The following ERMARD variants were observed in gnomAD, a reference collection of about 807,000 sequenced individuals.
ERMARD encodes the protein endoplasmic reticulum membrane-associated RNA degradation protein.
A neutral mutation model predicts 83.9 loss-of-function variants in ERMARD; 71 were observed. That is an observed-to-expected ratio of 0.85 (90% CI 0.70 to 1.03). The LOEUF is 1.03. Among genes scored for constraint, ERMARD ranks in the 50% least tolerant of loss-of-function variants. The pLI is 0.00. For missense variants in ERMARD, 838 were observed against 810.9 expected (o/e 1.03, Z -0.41); for synonymous variants, 284 against 298.6 (o/e 0.95, Z 0.50).
intron 12 of ERMARD, chr6:169,771,086 TTG>T (rs1792855736): frequency 6.6e-6 from 1 of 150,692 alleles, no homozygotes; most frequent in Admixed American, 6.6e-5. Context: ...TCTTTTTTTT[TTG>T]TTTTTTTTTT....
chr6:169,769,618 C>G lies in ERMARD; in HGVS notation c.1138C>G (p.His380Asp). The part of the protein sequence containing the change: ...DHLSHGEINL[H>D]EFSKETTNQL... ...TTTAAGCCACGGGGAGATCAACTTA[C>G]ATGAATTTTCAAAAGAAACAACTAA... Residue 380 changes from histidine to aspartate, a missense_variant, in exon 12 of 18, where the codon CAT (histidine) becomes GAT (aspartate). Coordinates refer to ENST00000366773, the MANE Select transcript of ERMARD (RefSeq NM_018341.3). 6.2e-7 allele frequency: 1 copy of G among 1,613,454 alleles called. No individual in the cohort carries two copies. The highest frequency in any genetic ancestry group is 8.5e-7 in the Non-Finnish European group (1 of 1,179,700).
At chr6:169,752,287 A>G (rs1459015672) in intron 1 of ERMARD, among the ~76,000 whole-genome samples, 1 of 152,166 alleles carries the variant, frequency 6.6e-6, no homozygotes, top group Non-Finnish European at 1.5e-5. Flanking sequence ...GTGTTATCTG[A>G]TTACTGTAGC....
At chr6:169,758,787 T>G (rs577074086) in intron 5 of ERMARD, among the ~76,000 whole-genome samples, 181 bp from the exon 6 acceptor site, 1 of 152,226 alleles carries the variant, frequency 6.6e-6, no homozygotes, top group South Asian at 2.1e-4. Context: ...TTGATGTACA[T>G]GTACAAAATG....
chr6:169,775,756 C>T (rs1793512649), intron 14 of ERMARD, 184 bp from the exon 15 acceptor site: 1 of 747,924 alleles, frequency 1.3e-6, no homozygotes, highest in Non-Finnish European at 2.1e-6. Context: ...GGACTTTGCT[C>T]TTGGCATATG....
intron 5 of ERMARD, among the ~76,000 whole-genome samples, chr6:169,758,366 C>T (rs1030083340): frequency 2.0e-5 from 3 of 152,174 alleles, no homozygotes; most frequent in African/African-American, 7.2e-5. Context: ...TGACTGCAGT[C>T]CATTTATTAG....
At chr6:169,765,853 C>T (rs979688132) in intron 9 of ERMARD, among the ~76,000 whole-genome samples, 1 of 152,098 alleles carries the variant, frequency 6.6e-6, no homozygotes. Flanking sequence ...GCAGCCAATC[C>T]TCATGCTGTC....
intron 9 of ERMARD, among the ~76,000 whole-genome samples, chr6:169,762,821 C>T (rs947418448): frequency 4.6e-5 from 7 of 152,306 alleles, no homozygotes; most frequent in Middle Eastern, 3.4e-3. Flanking sequence ...ACTGTAACCG[C>T]GTGAGATGGC....
Position 169,779,203 on chromosome 6 carries a change from G to T in ERMARD, c.1761G>T (p.Val587=), listed in dbSNP as rs1473474570. The part of the protein sequence containing the change: ...MWSSIRLLSP[V]LSLILLLIAL... ...TTAGTATCAGACTACTGTCCCCTGT[G>T]CTCAGCCTGATACTGTTACTCATTG... The change falls in exon 17 of 18, where the codon GTG becomes GTT. Residue 587 remains valine, a synonymous_variant. Transcript: ENST00000366773. 6.2e-7 allele frequency: 1 copy of T among 1,614,144 alleles called. No homozygotes were observed. Among genetic ancestry groups the T allele is most frequent in the Non-Finnish European group, 8.5e-7 (1 of 1,179,994 alleles).
Position 169,775,171 on chromosome 6 carries a change from T to TTTATAGA in ERMARD, c.1318-98_1318-97insTATAGAT, listed in dbSNP as rs201278236. ...TAAAATGTTTAGAATTTGTAATAAT[T>TTTATAGA]TACGTATTTTCTAGAGAGTGATGTA... is the stretch of plus-strand genomic sequence containing the variant. On this transcript the variant is annotated intron_variant, in intron 13 of 17. Coordinates refer to ENST00000366773, the MANE Select transcript of ERMARD (RefSeq NM_018341.3). The TTTATAGA allele has an allele frequency of 3.7e-3, 4,505 of 1,210,428 alleles. 137 individuals are homozygous for TTTATAGA. The African/African-American group carries it at 0.06, about 16-fold the overall frequency. 75.0% of individuals were successfully genotyped at this position (1,210,428 alleles called of 1,614,324 possible). A position where few individuals can be genotyped will look rare whatever the true frequency, so the allele number is the denominator to read the frequency against.
upstream of ERMARD, chr6:169,751,349 T>G: frequency 6.2e-7 from 1 of 1,613,950 alleles, no homozygotes; most frequent in Non-Finnish European, 8.5e-7. Context: ...TGCCTCCTTC[T>G]CGAACATGCT....
chr6:169,755,917 A>G (rs1790757876), intron 3 of ERMARD, among the ~76,000 whole-genome samples: 1 of 152,200 alleles, frequency 6.6e-6, no homozygotes, highest in African/African-American at 2.4e-5. Context: ...CCAGTAAAGC[A>G]GTAACTATAA....
upstream of ERMARD, chr6:169,751,523 A>G: frequency 6.2e-7 from 1 of 1,610,612 alleles, no homozygotes; most frequent in Non-Finnish European, 8.5e-7. Context: ...CGCCCTAGCC[A>G]GTCCCGCGAG....
At chr6:169,776,223 A>G in intron 15 of ERMARD, 158 bp downstream of exon 15, 2 of 1,517,882 alleles carry the variant, frequency 1.3e-6, no homozygotes, top group Admixed American at 2.0e-5. Flanking sequence ...AAGTTTTGAC[A>G]ATCTCTGTGC....
chr6:169,769,491 C>T, intron 11 of ERMARD, 49 bp from the exon 12 acceptor site: 1 of 1,520,238 alleles, frequency 6.6e-7, no homozygotes, highest in Non-Finnish European at 8.8e-7. Context: ...AGGCACGTCT[C>T]TCTGCTGCGG....
chr6:169,769,769 A>T, intron 12 of ERMARD, 56 bp downstream of exon 12: 1 of 1,449,940 alleles, frequency 6.9e-7, no homozygotes, highest in Non-Finnish European at 9.3e-7. Context: ...CTATGAAAAT[A>T]TAGTTTATTT....
chr6:169,760,115 A>T, intron 7 of ERMARD, 141 bp downstream of exon 7: 7 of 1,452,640 alleles, frequency 4.8e-6, no homozygotes, highest in Non-Finnish European at 5.5e-6. Context: ...AGTTGCTTGA[A>T]GAACCTCCTA....
Position 169,755,279 on chromosome 6 carries a change from T to C in ERMARD, c.176-4T>C, listed in dbSNP as rs1450222935. The C allele has an allele frequency of 6.2e-7, 1 of 1,613,418 alleles. No homozygotes were observed. Among genetic ancestry groups the C allele is most frequent in the Non-Finnish European group, 8.5e-7 (1 of 1,179,788 alleles). Reference sequence around the variant, plus strand: ...TGCTGAAATTTGTTTTCTTATCCTTTAAGAGCAGGGTCTGGATTACTGGGG... The same window carrying C: ...TGCTGAAATTTGTTTTCTTATCCTTCAAGAGCAGGGTCTGGATTACTGGGG... On this transcript the variant is annotated splice_region_variant and splice_polypyrimidine_tract_variant and intron_variant, in intron 2 of 17. Transcript: ENST00000366773.
intron 12 of ERMARD, among the ~76,000 whole-genome samples, chr6:169,770,011 A>G (rs1174971519): frequency 6.6e-6 from 1 of 152,260 alleles, no homozygotes; most frequent in Non-Finnish European, 1.5e-5. Context: ...AGGATTAACC[A>G]AATATTAGGA....
intron 1 of ERMARD, chr6:169,753,014 A>G (rs1436012145): frequency 6.6e-6 from 1 of 152,228 alleles, no homozygotes; most frequent in African/African-American, 2.4e-5. Context: ...TTAGAACTAC[A>G]TTTGTATACC....
Sources: allele counts gnomAD v4.1 joint callset (sites outside exome capture counted in the v4.1 genomes callset), GRCh38; gene constraint gnomAD v4.1.1; transcripts MANE v1.5; gene names NCBI Gene and HGNC (gene_info 2026-07-23, HGNC 2026-07-21).